SLC10A7: variants seen among roughly 807,000 people sequenced by gnomAD.
The protein encoded by SLC10A7 is sodium/bile acid cotransporter 7.
SLC10A7 carries 29 observed loss-of-function variants against 43.2 expected under a neutral mutation model. The observed-to-expected ratio is 0.67, with a 90% CI of 0.50 to 0.92. The LOEUF is 0.92. Among genes scored for constraint, SLC10A7 ranks in the 40% least tolerant of loss-of-function variants. The pLI is 0.00. For synonymous variants in SLC10A7, 152 were observed against 144.8 expected, an observed-to-expected ratio of 1.05 and a Z score of -0.35; for missense variants, 295 against 403.2, an observed-to-expected ratio of 0.73 and a Z score of 2.30.
At chr4:146,326,950 A>AGT (rs1733164704) in intron 5 of SLC10A7, among the ~76,000 whole-genome samples, 3 of 96,444 alleles carry the variant, frequency 3.1e-5, no homozygotes, top group African/African-American at 1.5e-4. Context: ...ACACACACAC[A>AGT]CACACACACA....
At chr4:146,359,294 G>A (rs1359275246) in intron 5 of SLC10A7, among the ~76,000 whole-genome samples, 1 of 152,102 alleles carries the variant, frequency 6.6e-6, no homozygotes, top group Non-Finnish European at 1.5e-5. Flanking sequence ...ATCTGACAAA[G>A]GATGTGTGTA....
chr4:146,293,346 TACA>T (rs1223838477), intron 8 of SLC10A7, among the ~76,000 whole-genome samples: 1 of 152,222 alleles, frequency 6.6e-6, no homozygotes, highest in Non-Finnish European at 1.5e-5. Context: ...TCTTTGATAT[TACA>T]ACATTAGTAA....
chr4:146,301,199 G>C (rs566265000), intron 7 of SLC10A7, among the ~76,000 whole-genome samples: 1 of 152,124 alleles, frequency 6.6e-6, no homozygotes. Context: ...GAATTTAATC[G>C]AGGCCAGTCT....
rs578149764 is a variant in SLC10A7 at position 146,417,431 on chromosome 4, G to A, written c.435+25352C>T. Among the ~76,000 whole-genome samples the A allele has an allele frequency of 5.3e-5, 8 of 152,208 alleles. No individual in the cohort carries two copies. The South Asian group carries it at 6.2e-4, about 12-fold the overall frequency. ...TACTATGTGGAGAATAGAATGAAAT[G>A]GGCCAAAAAGAGATGAGAAAATCCA... is the stretch of plus-strand genomic sequence containing the variant. On this transcript the variant is annotated intron_variant, in intron 5 of 11. Coordinates refer to ENST00000335472, the MANE Select transcript of SLC10A7 (RefSeq NM_001029998.6).
intron 4 of SLC10A7, among the ~76,000 whole-genome samples, chr4:146,492,057 A>G (rs900595609): frequency 6.6e-6 from 1 of 151,974 alleles, no homozygotes; most frequent in African/African-American, 2.4e-5. Context: ...TTCTACTAAA[A>G]ATACCAAAAA....
At chr4:146,453,491 T>C (rs1731779530) in intron 4 of SLC10A7, among the ~76,000 whole-genome samples, 1 of 151,964 alleles carries the variant, frequency 6.6e-6, no homozygotes, top group Non-Finnish European at 1.5e-5. Context: ...CAAATTTAGT[T>C]ATTGCACAAC....
intron 5 of SLC10A7, among the ~76,000 whole-genome samples, chr4:146,373,734 C>G (rs1736960010): frequency 6.6e-6 from 1 of 152,146 alleles, no homozygotes; most frequent in African/African-American, 2.4e-5. Flanking sequence ...AACTTTCATC[C>G]ACCAGAATCT....
intron 10 of SLC10A7, among the ~76,000 whole-genome samples, chr4:146,270,286 T>A (rs1360247061): frequency 6.6e-6 from 1 of 152,210 alleles, no homozygotes; most frequent in Non-Finnish European, 1.5e-5. Flanking sequence ...TGAAAATAAT[T>A]ATGTTTTTCT....
chr4:146,458,932 C>A (rs1035046193), intron 4 of SLC10A7, among the ~76,000 whole-genome samples: 36 of 151,726 alleles, frequency 2.4e-4, no homozygotes, highest in African/African-American at 8.0e-4. Flanking sequence ...AAGGAATAAA[C>A]CTGCCTTTAT....
intron 5 of SLC10A7, among the ~76,000 whole-genome samples, chr4:146,376,253 A>C (rs1737188994): frequency 6.6e-6 from 1 of 152,054 alleles, no homozygotes; most frequent in Non-Finnish European, 1.5e-5. Flanking sequence ...ACAAAATTCT[A>C]AAGGATTTAG....
At chr4:146,371,262 A>G (rs1452127142) in intron 5 of SLC10A7, among the ~76,000 whole-genome samples, 1 of 152,204 alleles carries the variant, frequency 6.6e-6, no homozygotes, top group Non-Finnish European at 1.5e-5. Context: ...ACCTTCTTGT[A>G]CTTCATTTTA....
In SLC10A7 at chr4:146,514,904, T is replaced by C. The variant is rs527381822; in HGVS notation, c.183+2134A>G. ...TATATGGCTTTTGAAAATGACTTAATGTTGTATTCTTTTGAAAAGGGCTTT... is the reference window on the plus strand; with the variant it reads ...TATATGGCTTTTGAAAATGACTTAACGTTGTATTCTTTTGAAAAGGGCTTT... On this transcript the variant is annotated intron_variant, in intron 2 of 11. Transcript: ENST00000335472. The C allele has an allele frequency of 9.1e-5, 48 of 529,890 alleles. No individual in the cohort carries two copies. In the South Asian group the frequency reaches 1.3e-3, roughly 14 times the overall value. 32.8% of individuals were successfully genotyped at this position (529,890 alleles called of 1,614,324 possible). A position where few individuals can be genotyped will look rare whatever the true frequency, so the allele number is the denominator to read the frequency against.
chr4:146,312,832 A>G (rs1016621720), intron 6 of SLC10A7, among the ~76,000 whole-genome samples: 2 of 152,164 alleles, frequency 1.3e-5, no homozygotes, highest in Non-Finnish European at 2.9e-5. Flanking sequence ...ACTCAAACCC[A>G]CACAGTCTGT....
intron 5 of SLC10A7, among the ~76,000 whole-genome samples, chr4:146,375,500 T>C (rs1015475920): frequency 2.0e-5 from 3 of 152,038 alleles, no homozygotes; most frequent in Admixed American, 6.5e-5. Flanking sequence ...AAATTGCAAT[T>C]TCCCCAACCC....
chr4:146,448,467 G>A (rs948325387), intron 4 of SLC10A7, among the ~76,000 whole-genome samples: 3 of 151,948 alleles, frequency 2.0e-5, no homozygotes, highest in African/African-American at 7.3e-5. Flanking sequence ...TATGTACACT[G>A]CTGACTCCTA....
At chr4:146,333,854 A>G (rs1288494602) in intron 5 of SLC10A7, among the ~76,000 whole-genome samples, 5 of 152,098 alleles carry the variant, frequency 3.3e-5, no homozygotes, top group Admixed American at 1.3e-4. Context: ...AGAACACATT[A>G]AAGCAGAAGA....
chr4:146,406,286 G>A (rs906918905), intron 5 of SLC10A7, among the ~76,000 whole-genome samples: 1 of 152,092 alleles, frequency 6.6e-6, no homozygotes, highest in African/African-American at 2.4e-5. Flanking sequence ...AAATTATTGG[G>A]ATCTCAGGTC....
At position 146,438,278 on chromosome 4, in the gene SLC10A7, A is replaced by G. The variant is rs532191944; in HGVS notation, c.435+4505T>C. On this transcript the variant is annotated intron_variant, in intron 5 of 11. Transcript: ENST00000335472. Reference sequence around the variant, plus strand: ...TCCTTTTAATCTTTGATCTGGCATGAAAAGAAAATTGTTAATCTTAGAATA... The same window carrying G: ...TCCTTTTAATCTTTGATCTGGCATGGAAAGAAAATTGTTAATCTTAGAATA... 3.1e-3 allele frequency among the ~76,000 whole-genome samples: 471 copies of G among 152,192 alleles called. 2 individuals are homozygous for G. The highest frequency in any genetic ancestry group is 0.011 in the African/African-American group (439 of 41,578).
Position 146,474,614 on chromosome 4 carries a change from A to G in SLC10A7, c.396+29235T>C, listed in dbSNP as rs531396737. Among the ~76,000 whole-genome samples the G allele has an allele frequency of 3.3e-5, 5 of 152,270 alleles. No individual in the cohort carries two copies. The East Asian group carries it at 9.6e-4, about 29-fold the overall frequency. Reference sequence around the variant, plus strand: ...AAATAGCAACTTATGCAGCTAGAATAATTTGGTCTCTAAAGGGTGGTAAAG... The same window carrying G: ...AAATAGCAACTTATGCAGCTAGAATGATTTGGTCTCTAAAGGGTGGTAAAG... On this transcript the variant is annotated intron_variant, in intron 4 of 11. Coordinates refer to ENST00000335472, the MANE Select transcript of SLC10A7 (RefSeq NM_001029998.6).
Sources: allele counts gnomAD v4.1 joint callset (sites outside exome capture counted in the v4.1 genomes callset), GRCh38; gene constraint gnomAD v4.1.1; transcripts MANE v1.5; gene names NCBI Gene and HGNC (gene_info 2026-07-23, HGNC 2026-07-21).